Variants in GALNTL6 observed in about 807,000 individuals in gnomAD.
GALNTL6 encodes polypeptide N-acetylgalactosaminyltransferase like 6, also known as polypeptide N-acetylgalactosaminyltransferase-like 6.
A neutral mutation model predicts 73.7 loss-of-function variants in GALNTL6; 46 were observed. The ratio of observed to expected loss-of-function variants is 0.62; its 90% CI spans 0.49 to 0.80. The LOEUF (loss-of-function observed/expected upper bound fraction) is 0.80, where lower values mean the gene tolerates loss of function less well. Ranked by LOEUF, GALNTL6 falls within the 30% of genes least tolerant of loss-of-function variation. The pLI is 0.00. For synonymous variants in GALNTL6, 259 were observed against 263.7 expected, an observed-to-expected ratio of 0.98 and a Z score of 0.17; for missense variants, 604 against 755.0, an observed-to-expected ratio of 0.80 and a Z score of 2.34.
intron 5 of GALNTL6, among the ~76,000 whole-genome samples, chr4:172,640,360 G>A (rs1436970123): frequency 1.3e-5 from 2 of 152,060 alleles, no homozygotes. Flanking sequence ...TTCATATGTT[G>A]AAGTGTCCCA....
intron 2 of GALNTL6, among the ~76,000 whole-genome samples, chr4:171,948,652 T>A (rs918386774): frequency 2.0e-5 from 3 of 152,182 alleles, no homozygotes; most frequent in African/African-American, 4.8e-5. Context: ...AAACTTGCCC[T>A]TAACAATTTA....
At chr4:172,761,464 G>T (rs771407948) in intron 5 of GALNTL6, among the ~76,000 whole-genome samples, 2 of 152,114 alleles carry the variant, frequency 1.3e-5, no homozygotes, top group Non-Finnish European at 2.9e-5. Context: ...ATGTTTATTT[G>T]ATGTCTATAT....
chr4:171,940,567 A>C (rs569344613), intron 2 of GALNTL6, among the ~76,000 whole-genome samples: 1 of 152,200 alleles, frequency 6.6e-6, no homozygotes, highest in East Asian at 1.9e-4. Flanking sequence ...CATGCCTGTG[A>C]TTTCAACATT....
intron 7 of GALNTL6, among the ~76,000 whole-genome samples, chr4:172,846,089 A>G (rs1385756601): frequency 1.3e-5 from 2 of 152,238 alleles, no homozygotes; most frequent in African/African-American, 4.8e-5. Context: ...TCAAGTTACA[A>G]ATAATCAAAT....
chr4:173,012,394 C>T (rs923058235), intron 11 of GALNTL6, among the ~76,000 whole-genome samples: 4 of 152,106 alleles, frequency 2.6e-5, no homozygotes, highest in Admixed American at 6.6e-5. Context: ...CATCATGATG[C>T]GAGGAAAACA....
At chr4:171,936,986 G>C (rs1315904895) in intron 2 of GALNTL6, among the ~76,000 whole-genome samples, 1 of 152,070 alleles carries the variant, frequency 6.6e-6, no homozygotes, top group African/African-American at 2.4e-5. Context: ...AGCTGAACCT[G>C]CAAGATCACG....
At chr4:171,991,761 T>C (rs866723336) in intron 2 of GALNTL6, among the ~76,000 whole-genome samples, 4 of 130,934 alleles carry the variant, frequency 3.1e-5, no homozygotes, top group African/African-American at 5.2e-5. Flanking sequence ...TATATACACA[T>C]ATATATACAT....
At chr4:172,005,566 C>T (rs998275809) in intron 2 of GALNTL6, among the ~76,000 whole-genome samples, 4 of 152,146 alleles carry the variant, frequency 2.6e-5, no homozygotes, top group African/African-American at 7.2e-5. Flanking sequence ...AGTATATCCC[C>T]TCTCCCATCC....
chr4:172,867,501 A>G (rs1409011355), intron 7 of GALNTL6, among the ~76,000 whole-genome samples: 1 of 152,174 alleles, frequency 6.6e-6, no homozygotes, highest in African/African-American at 2.4e-5. Context: ...AGAGAGGAAA[A>G]TAGGCTTCCT....
In GALNTL6 at chr4:172,048,507, C is replaced by T. The variant is rs557627447; in HGVS notation, c.139-181149C>T. On this transcript the variant is annotated intron_variant, in intron 2 of 12. Transcript: ENST00000506823. Reference sequence around the variant, plus strand: ...CAGAAGGCTGTAATCATAGATGCTACTATGAGTCAATGATTCCTTCAAATG... The same window carrying T: ...CAGAAGGCTGTAATCATAGATGCTATTATGAGTCAATGATTCCTTCAAATG... Among the ~76,000 whole-genome samples, 14 of 152,174 alleles carry T rather than the reference C, an allele frequency of 9.2e-5. No homozygotes were observed. The East Asian group carries it at 1.7e-3, about 19-fold the overall frequency.
chr4:172,057,460 G>T (rs1213499267), intron 2 of GALNTL6, among the ~76,000 whole-genome samples: 1 of 151,568 alleles, frequency 6.6e-6, no homozygotes, highest in African/African-American at 2.4e-5. Flanking sequence ...AGGCCAAAGC[G>T]GGAGGATCAT....
intron 5 of GALNTL6, among the ~76,000 whole-genome samples, chr4:172,390,613 A>C (rs1169468952): frequency 6.6e-6 from 1 of 152,184 alleles, no homozygotes; most frequent in East Asian, 1.9e-4. Flanking sequence ...ATAGAAAAGC[A>C]TAGTTTATAC....
At chr4:172,958,228 G>A (rs1749853721) in intron 10 of GALNTL6, among the ~76,000 whole-genome samples, 1 of 152,220 alleles carries the variant, frequency 6.6e-6, no homozygotes, top group Non-Finnish European at 1.5e-5. Flanking sequence ...AAGTATTAGG[G>A]CAGCATCAGC....
intron 2 of GALNTL6, among the ~76,000 whole-genome samples, chr4:172,220,842 A>C (rs2110947483): frequency 6.6e-6 from 1 of 152,000 alleles, no homozygotes; most frequent in Non-Finnish European, 1.5e-5. Flanking sequence ...AATTGAAGAC[A>C]ATGTTGAGGT....
intron 7 of GALNTL6, among the ~76,000 whole-genome samples, chr4:172,815,721 G>T (rs2111006163): frequency 6.6e-6 from 1 of 152,260 alleles, no homozygotes; most frequent in East Asian, 1.9e-4. Flanking sequence ...TGGCAGAATT[G>T]GTAACTTTCA....
intron 2 of GALNTL6, among the ~76,000 whole-genome samples, chr4:172,111,678 G>A (rs902923974): frequency 2.0e-5 from 3 of 151,868 alleles, no homozygotes; most frequent in African/African-American, 7.2e-5. Context: ...ATACTTGGGG[G>A]TAATTTTCTA....
At chr4:171,953,193 T>C (rs1362694265) in intron 2 of GALNTL6, among the ~76,000 whole-genome samples, 1 of 151,652 alleles carries the variant, frequency 6.6e-6, no homozygotes, top group African/African-American at 2.4e-5. Flanking sequence ...AATAGAATTC[T>C]AATCAAAATT....
rs1560870095 is a variant in GALNTL6, at chr4:171,982,400, T to TAC, written c.138+167682_138+167683insAC. Among the ~76,000 whole-genome samples, 956 of 152,050 alleles carry TAC rather than the reference T, an allele frequency of 6.3e-3. 15 individuals are homozygous for TAC. Among genetic ancestry groups the TAC allele is most frequent in the African/African-American group, 0.022 (918 of 41,486 alleles). ...GCAAGCTCTGCCTCCTGGGTTCACG[T>TAC]CATTCTCCTGCTTCAGCCTCCCCAG... On this transcript the variant is annotated intron_variant, in intron 2 of 12. Transcript: ENST00000506823.
intron 2 of GALNTL6, among the ~76,000 whole-genome samples, chr4:171,869,984 AT>A (rs200443765): frequency 0.13 from 20,529 of 152,176 alleles, 3,254 homozygotes; most frequent in African/African-American, 0.39. Context: ...AGACTAATAC[AT>A]TTTTATCCCA....
Sources: allele counts gnomAD v4.1 joint callset (sites outside exome capture counted in the v4.1 genomes callset), GRCh38; gene constraint gnomAD v4.1.1; transcripts MANE v1.5; gene names NCBI Gene and HGNC (gene_info 2026-07-23, HGNC 2026-07-21).